The following ITPR3 variants were observed in gnomAD, a reference collection of about 807,000 sequenced individuals.
ITPR3 encodes the protein inositol 1,4,5-trisphosphate-gated calcium channel ITPR3.
A neutral mutation model predicts 293.2 loss-of-function variants in ITPR3; 173 were observed. The ratio of observed to expected loss-of-function variants is 0.59; its 90% CI spans 0.52 to 0.67. The LOEUF is 0.67. Among genes scored for constraint, ITPR3 ranks in the 30% least tolerant of loss-of-function variants. The pLI is 0.00. For synonymous variants in ITPR3, 1,295 were observed against 1,444.4 expected (o/e 0.90, Z 2.35); for missense variants, 2,796 against 3,592.1 (o/e 0.78, Z 5.66).
In ITPR3 at chr6:33,679,899, C is replaced by T. The variant is rs9469553; in HGVS notation, c.3990C>T (p.Asp1330=). 2.8e-3 allele frequency: 4,512 copies of T among 1,613,236 alleles called. 103 individuals are homozygous for T. In the African/African-American group the frequency reaches 0.045, roughly 16 times the overall value. Reference sequence around the variant, plus strand: ...ACCCGCAGCTGACCAATGCAGGTGACGATGTGGTCGTGTTCTACAATGATA... The same window carrying T: ...ACCCGCAGCTGACCAATGCAGGTGATGATGTGGTCGTGTTCTACAATGATA... ...MIMTELTNAG[D]DVVVFYNDKA... is the part of the protein sequence containing the mutation. The change falls in exon 31 of 58, where the codon GAC becomes GAT. Residue 1330 remains aspartate, a synonymous_variant. Coordinates refer to ENST00000605930, the MANE Select transcript of ITPR3 (RefSeq NM_002224.4). The surrounding 1 kb of genome is among the most constrained non-coding windows in gnomAD (Gnocchi z 4.2).
chr6:33,691,264 G>T lies in ITPR3; in HGVS notation c.7225+155G>T, dbSNP rs1765381500. On this transcript the variant is annotated intron_variant, in intron 52 of 57. Coordinates refer to ENST00000605930, the MANE Select transcript of ITPR3 (RefSeq NM_002224.4). The surrounding 1 kb of genome is among the most constrained non-coding windows in gnomAD (Gnocchi z 4.9). ...GGGGACGTCTAGCTAACACCAGTCTGCCTCGCTCTTTTCTGGAACACACTG... is the reference window on the plus strand; with the variant it reads ...GGGGACGTCTAGCTAACACCAGTCTTCCTCGCTCTTTTCTGGAACACACTG... 6.6e-6 allele frequency among the ~76,000 whole-genome samples: 1 copy of T among 152,198 alleles called. No individual in the cohort carries two copies. Among genetic ancestry groups the T allele is most frequent in the Non-Finnish European group, 1.5e-5 (1 of 68,034 alleles).
At position 33,675,796 on chromosome 6, in the gene ITPR3, C is replaced by T; in HGVS notation, c.3222C>T (p.Ala1074=). 3.7e-6 allele frequency: 6 copies of T among 1,606,176 alleles called. No individual in the cohort carries two copies. Among genetic ancestry groups the T allele is most frequent in the Non-Finnish European group, 5.1e-6 (6 of 1,176,706 alleles). The change falls in exon 25 of 58, where the codon GCC becomes GCT. Residue 1074 remains alanine, a synonymous_variant. Coordinates refer to ENST00000605930, the MANE Select transcript of ITPR3 (RefSeq NM_002224.4). The surrounding 1 kb of genome is among the most constrained non-coding windows in gnomAD (Gnocchi z 5.0). ...ACTATGCGCCGCTGGTCTCGGGTGC[C>T]CTGCAGCTGCTCTTCAAGCACTTCA... is the stretch of plus-strand genomic sequence containing the variant. ...MHDYAPLVSG[A]LQLLFKHFSQ... is the part of the protein sequence containing the mutation.
chr6:33,664,939 C>T lies in ITPR3; in HGVS notation c.1218C>T (p.Asp406=). 1.2e-6 allele frequency: 2 copies of T among 1,613,754 alleles called. No individual in the cohort carries two copies. Among genetic ancestry groups the T allele is most frequent in the Non-Finnish European group, 1.7e-6 (2 of 1,179,942 alleles). ...TWIQSTNVPI[D]IEEERPIRLM... Reference sequence around the variant, plus strand: ...TTCAGAGCACCAATGTGCCCATTGACATCGAGGAGGAGCGGCCCATCCGGC... The same window carrying T: ...TTCAGAGCACCAATGTGCCCATTGATATCGAGGAGGAGCGGCCCATCCGGC... The change falls in exon 12 of 58, where the codon GAC becomes GAT. Residue 406 remains aspartate, a synonymous_variant. Transcript: ENST00000605930. The surrounding 1 kb of genome is among the most constrained non-coding windows in gnomAD (Gnocchi z 4.4).
At chr6:33,694,864 T>C in intron 56 of ITPR3, 60 bp from the exon 57 acceptor site, 7 of 1,607,334 alleles carry the variant, frequency 4.4e-6, no homozygotes, top group South Asian at 1.1e-5. Context: ...ACTGTTTTTC[T>C]AAATGAGGCC....
At chr6:33,659,176 T>C (rs1764392067) in intron 6 of ITPR3, 57 bp downstream of exon 6, 9 of 1,479,110 alleles carry the variant, frequency 6.1e-6, no homozygotes, top group Non-Finnish European at 8.5e-6. Context: ...CCCCTGGTGG[T>C]GTAGACACCC....
At position 33,675,827 on chromosome 6, in the gene ITPR3, C is replaced by T. The variant is rs996981807; in HGVS notation, c.3253C>T (p.Arg1085Cys). 35 of 1,581,824 alleles carry T rather than the reference C, an allele frequency of 2.2e-5. No homozygotes were observed. The highest frequency in any genetic ancestry group is 4.7e-5 in the East Asian group (2 of 42,802). Residue 1085 changes from arginine (R) to cysteine (C), a missense_variant, in exon 25 of 58, where the codon CGC becomes TGC. Transcript: ENST00000605930. This position sits in a 1 kb window ranked among gnomAD's most constrained non-coding sequence, Gnocchi z 5.0. ...GCTGCTCTTCAAGCACTTCAGCCAGCGCCAGGAGGCCATGCACACCTTCAA... is the reference window on the plus strand; with the variant it reads ...GCTGCTCTTCAAGCACTTCAGCCAGTGCCAGGAGGCCATGCACACCTTCAA... ...LQLLFKHFSQ[R>C]QEAMHTFKQV...
Position 33,670,492 on chromosome 6 carries a change from T to C in ITPR3, c.2357T>C (p.Val786Ala). 2 of 1,613,426 alleles carry C rather than the reference T, an allele frequency of 1.2e-6. No homozygotes were observed. The highest frequency in any genetic ancestry group is 1.7e-6 in the Non-Finnish European group (2 of 1,179,918). The change falls in exon 19 of 58, where the codon GTG (valine) becomes GCG (alanine). Residue 786 changes from valine (V) to alanine (A), a missense_variant. Val to Ala is a moderately conservative substitution (Grantham distance 64). Transcript: ENST00000605930. The surrounding 1 kb of genome is among the most constrained non-coding windows in gnomAD (Gnocchi z 6.7). ...TGCCACCTGATGCTGCACGTGCACG[T>C]GGACCGTGACCCCCAGGAGCTGGTC... is the stretch of plus-strand genomic sequence containing the variant. Reference protein sequence around the residue: ...SFCHLMLHVHVDRDPQELVTP... With the variant: ...SFCHLMLHVHADRDPQELVTP...
chr6:33,684,448 A>AC lies in ITPR3; in HGVS notation c.5031dup (p.Lys1678GlnfsTer102). 2 of 1,613,980 alleles carry AC rather than the reference A, an allele frequency of 1.2e-6. No homozygotes were observed. The highest frequency in any genetic ancestry group is 1.7e-6 in the Non-Finnish European group (2 of 1,179,942). On this transcript the variant is annotated frameshift_variant, in exon 37 of 58. Coordinates refer to ENST00000605930, the MANE Select transcript of ITPR3 (RefSeq NM_002224.4). LOFTEE classifies it high-confidence loss of function. The surrounding 1 kb of genome is among the most constrained non-coding windows in gnomAD (Gnocchi z 4.2). ...CCTGCAGCAGATGCTGCTCAAGAAG[A>AC]CCAAGTACGGGGACCGGGTGAGTGC...
intron 1 of ITPR3, among the ~76,000 whole-genome samples, chr6:33,635,535 G>A (rs1763800638): frequency 6.6e-6 from 1 of 152,188 alleles, no homozygotes; most frequent in African/African-American, 2.4e-5. Flanking sequence ...ATTCCATGGG[G>A]TCAGGCTAAG....
At position 33,659,128 on chromosome 6, in the gene ITPR3, G is replaced by A. The variant is rs75742993; in HGVS notation, c.627+9G>A. The stretch of plus-strand genomic sequence containing the variant: ...ACGCCGGCTGCAAGGAGGTGAGGGG[G>A]TGGGGGGTCAGCCATGCAGTGCAGG... On this transcript the variant is annotated intron_variant, in intron 6 of 57. Transcript: ENST00000605930. 6.2e-7 allele frequency: 1 copy of A among 1,612,586 alleles called. No individual in the cohort carries two copies. Among genetic ancestry groups the A allele is most frequent in the East Asian group, 2.2e-5 (1 of 44,878 alleles).
At chr6:33,688,505 G>C in intron 48 of ITPR3, 74 bp downstream of exon 48, 1 of 1,497,528 alleles carries the variant, frequency 6.7e-7, no homozygotes, top group South Asian at 1.3e-5. Flanking sequence ...GGCCTCCTTT[G>C]CCTGCCTGTG....
At chr6:33,695,344 CCT>C in intron 57 of ITPR3, 1 of 564,312 alleles carries the variant, frequency 1.8e-6, no homozygotes, top group Non-Finnish European at 3.1e-6. Context: ...TCATCCCCTT[CCT>C]CTGACAGCTG....
Position 33,667,449 on chromosome 6 carries a change from C to G in ITPR3, c.1713+159C>G, listed in dbSNP as rs542010129. On this transcript the variant is annotated intron_variant, in intron 15 of 57. Coordinates refer to ENST00000605930, the MANE Select transcript of ITPR3 (RefSeq NM_002224.4). The surrounding 1 kb of genome is among the most constrained non-coding windows in gnomAD (Gnocchi z 4.4). ...GGGTTCATGGGAATGGGACCTGGCC[C>G]GGTGCTCACAAGGGCCTTGCACTGG... is the stretch of plus-strand genomic sequence containing the variant. Among the ~76,000 whole-genome samples the G allele has an allele frequency of 1.3e-5, 2 of 152,264 alleles. No homozygotes were observed. The highest frequency in any genetic ancestry group is 4.8e-5 in the African/African-American group (2 of 41,558).
In ITPR3 at chr6:33,692,318, C is replaced by G. The variant is rs989987549; in HGVS notation, c.7458+390C>G. ...TCCCCTGTTGCTTGGGAGTGAGAGG[C>G]CGCCTCCCTGGCCAGACAGAGGGTT... On this transcript the variant is annotated intron_variant, in intron 54 of 57. Coordinates refer to ENST00000605930, the MANE Select transcript of ITPR3 (RefSeq NM_002224.4). The surrounding 1 kb of genome is among the most constrained non-coding windows in gnomAD (Gnocchi z 4.2). Among the ~76,000 whole-genome samples the G allele has an allele frequency of 6.6e-6, 1 of 152,222 alleles. No individual in the cohort carries two copies. The highest frequency in any genetic ancestry group is 1.5e-5 in the Non-Finnish European group (1 of 68,042).
intron 56 of ITPR3, chr6:33,694,698 CG>C: frequency 7.3e-6 from 4 of 550,646 alleles, no homozygotes; most frequent in South Asian, 4.6e-5. Flanking sequence ...CGCTGCCTAA[CG>C]GAAGTCAGCC....
Position 33,695,895 on chromosome 6 carries a change from C to A in ITPR3, c.*115C>A. ...CCAGCCAGCTGGCCAGCCTCCACTCCCACTCTGCCAGACACCCTGACACCC... is the reference window on the plus strand; with the variant it reads ...CCAGCCAGCTGGCCAGCCTCCACTCACACTCTGCCAGACACCCTGACACCC... On this transcript the variant is annotated 3_prime_UTR_variant, in exon 58 of 58. Coordinates refer to ENST00000605930, the MANE Select transcript of ITPR3 (RefSeq NM_002224.4). The A allele has an allele frequency of 1.0e-6, 1 of 954,722 alleles. No individual in the cohort carries two copies. The highest frequency in any genetic ancestry group is 1.6e-6 in the Non-Finnish European group (1 of 612,132). The allele number at this position is 954,722 out of a possible 1,614,324, so 59.1% of individuals were successfully genotyped here.
chr6:33,677,905 C>A (rs746122443), intron 28 of ITPR3, among the ~76,000 whole-genome samples: 80 of 152,198 alleles, frequency 5.3e-4, no homozygotes, highest in African/African-American at 1.8e-3. Context: ...TTCCCCCTCT[C>A]CAGCCTAACC....
chr6:33,658,061 C>A lies in ITPR3; in HGVS notation c.369+43C>A. 6.4e-7 allele frequency: 1 copy of A among 1,556,712 alleles called. No homozygotes were observed. Among genetic ancestry groups the A allele is most frequent in the Non-Finnish European group, 8.8e-7 (1 of 1,132,356 alleles). On this transcript the variant is annotated intron_variant, in intron 4 of 57. Coordinates refer to ENST00000605930, the MANE Select transcript of ITPR3 (RefSeq NM_002224.4). This position sits in a 1 kb window ranked among gnomAD's most constrained non-coding sequence, Gnocchi z 6.1. ...CTCTCCCGCCTGCCCCTCTCCCTGC[C>A]TAAGAGGCTGGGCTGGTGCTGGGTG...
chr6:33,693,803 C>A, intron 56 of ITPR3, 98 bp downstream of exon 56: 4 of 1,401,452 alleles, frequency 2.9e-6, no homozygotes, highest in Non-Finnish European at 3.9e-6. Flanking sequence ...TTCTGAGTAC[C>A]CTGGGCCCTG....
Sources: allele counts gnomAD v4.1 joint callset (sites outside exome capture counted in the v4.1 genomes callset), GRCh38; gene constraint gnomAD v4.1.1; non-coding constraint Gnocchi (gnomAD v3.1); transcripts MANE v1.5; gene names NCBI Gene and HGNC (gene_info 2026-07-23, HGNC 2026-07-21).